The following TRAPPC10 variants were observed in gnomAD, a reference collection of about 807,000 sequenced individuals.
TRAPPC10 encodes trafficking protein particle complex subunit 10.
TRAPPC10 carries 23 observed loss-of-function variants against 125.5 expected under a neutral mutation model. The ratio of observed to expected loss-of-function variants is 0.18; its 90% CI spans 0.13 to 0.26. The LOEUF is 0.26. Among genes scored for constraint, TRAPPC10 ranks in the 10% least tolerant of loss-of-function variants. The pLI, the probability that TRAPPC10 is intolerant of heterozygous loss-of-function variation, is 1.00. For missense variants in TRAPPC10, 1,123 were observed against 1,308.4 expected (o/e 0.86, Z 2.19); for synonymous variants, 509 against 518.0 (o/e 0.98, Z 0.24).
At chr21:44,039,003 T>C (rs1474687706) in intron 3 of TRAPPC10, among the ~76,000 whole-genome samples, 1 of 152,230 alleles carries the variant, frequency 6.6e-6, no homozygotes, top group African/African-American at 2.4e-5. Context: ...AGAAGGACAC[T>C]GTCCCTGGCC....
chr21:44,052,665 C>T (rs1295156013), intron 4 of TRAPPC10, among the ~76,000 whole-genome samples, 189 bp downstream of exon 4: 3 of 152,004 alleles, frequency 2.0e-5, no homozygotes. Context: ...AAGCAGTCAT[C>T]CCCCGAGTGT....
At position 44,059,606 on chromosome 21, in the gene TRAPPC10, A is replaced by T; in HGVS notation, c.790+392A>T. 1 of 659,628 alleles carries T rather than the reference A, an allele frequency of 1.5e-6. No homozygotes were observed. Among genetic ancestry groups the T allele is most frequent in the East Asian group, 2.7e-5 (1 of 36,754 alleles). 40.9% of individuals were successfully genotyped at this position (659,628 alleles called of 1,614,324 possible). Reference sequence around the variant, plus strand: ...CTCGAGTGCTCATTGCTGTGAACTTATAAAATGCCCTTGGGTGTTCATCTT... The same window carrying T: ...CTCGAGTGCTCATTGCTGTGAACTTTTAAAATGCCCTTGGGTGTTCATCTT... On this transcript the variant is annotated intron_variant, in intron 6 of 22. Coordinates refer to ENST00000291574, the MANE Select transcript of TRAPPC10 (RefSeq NM_003274.5). This position sits in a 1 kb window ranked among gnomAD's most constrained non-coding sequence, Gnocchi z 4.4.
At chr21:44,048,847 G>A (rs1485756798) in intron 3 of TRAPPC10, among the ~76,000 whole-genome samples, 1 of 139,730 alleles carries the variant, frequency 7.2e-6, no homozygotes, top group African/African-American at 2.7e-5. Flanking sequence ...TGTAAATCTA[G>A]TCCCTGTCAC....
intron 13 of TRAPPC10, among the ~76,000 whole-genome samples, chr21:44,081,666 C>T (rs557179904): frequency 1.3e-5 from 2 of 152,224 alleles, no homozygotes; most frequent in African/African-American, 4.8e-5. Flanking sequence ...GCAGGCAGAT[C>T]ACTTGAGGTC....
intron 1 of TRAPPC10, among the ~76,000 whole-genome samples, chr21:44,031,375 G>A (rs1055650211): frequency 2.0e-5 from 3 of 152,132 alleles, no homozygotes; most frequent in African/African-American, 7.2e-5. Flanking sequence ...CATTTTATGA[G>A]AACAAAATGG....
intron 5 of TRAPPC10, 74 bp downstream of exon 5, chr21:44,055,967 T>A: frequency 7.7e-7 from 1 of 1,300,814 alleles, no homozygotes; most frequent in Non-Finnish European, 1.0e-6. Flanking sequence ...TCTCCTCCTT[T>A]CTTTCTAAGT....
chr21:44,064,916 C>T (rs987217001), intron 7 of TRAPPC10, among the ~76,000 whole-genome samples: 4 of 152,118 alleles, frequency 2.6e-5, no homozygotes, highest in Admixed American at 1.3e-4. Flanking sequence ...TTTTCCACCT[C>T]GAAATGACCC....
At chr21:44,029,198 C>A (rs1271746032) in intron 1 of TRAPPC10, among the ~76,000 whole-genome samples, 2 of 152,106 alleles carry the variant, frequency 1.3e-5, no homozygotes, top group Non-Finnish European at 2.9e-5. Flanking sequence ...GGGTTCACAC[C>A]ATTCTCCTGC....
rs1473031362 is a variant in TRAPPC10, at chr21:44,059,745, C to G, written c.790+531C>G. The stretch of plus-strand genomic sequence containing the variant: ...TTGTCCTCAGTGTTTTTCGCTGATA[C>G]TTATTTTGATGAAAGTGATACCACG... On this transcript the variant is annotated intron_variant, in intron 6 of 22. Transcript: ENST00000291574. This position sits in a 1 kb window ranked among gnomAD's most constrained non-coding sequence, Gnocchi z 4.4. The G allele has an allele frequency of 1.1e-5, 5 of 459,420 alleles. No individual in the cohort carries two copies. The highest frequency in any genetic ancestry group is 9.8e-5 in the African/African-American group (5 of 51,210). The allele number at this position is 459,420 out of a possible 1,614,324, so 28.5% of individuals were successfully genotyped here.
intron 4 of TRAPPC10, 87 bp downstream of exon 4, chr21:44,052,563 T>A: frequency 7.7e-7 from 1 of 1,293,068 alleles, no homozygotes; most frequent in Non-Finnish European, 1.1e-6. Flanking sequence ...AAATATTTAC[T>A]CAGCAATCTC....
chr21:44,053,537 A>C (rs2035368987), intron 4 of TRAPPC10, among the ~76,000 whole-genome samples: 1 of 152,178 alleles, frequency 6.6e-6, no homozygotes, highest in Non-Finnish European at 1.5e-5. Context: ...ATATTAGAAT[A>C]CTTTTCTAGC....
chr21:44,077,088 C>T (rs1326896299), intron 10 of TRAPPC10, among the ~76,000 whole-genome samples: 1 of 152,152 alleles, frequency 6.6e-6, no homozygotes, highest in Non-Finnish European at 1.5e-5. Flanking sequence ...ATGGCTGTAC[C>T]TCTTATACAC....
At chr21:44,071,786 G>A (rs1189817460) in intron 7 of TRAPPC10, among the ~76,000 whole-genome samples, 2 of 152,248 alleles carry the variant, frequency 1.3e-5, no homozygotes, top group Non-Finnish European at 2.9e-5. Flanking sequence ...GCATGGAGCC[G>A]GTGAGAACTC....
intron 3 of TRAPPC10, 51 bp downstream of exon 3, chr21:44,037,978 C>A (rs763202291): frequency 6.3e-7 from 1 of 1,580,194 alleles, no homozygotes. Flanking sequence ...GTTGGAGATG[C>A]GTGGAGAGTG....
intron 3 of TRAPPC10, among the ~76,000 whole-genome samples, chr21:44,048,482 G>T (rs1039653452): frequency 2.0e-5 from 3 of 151,916 alleles, no homozygotes; most frequent in East Asian, 1.9e-4. Flanking sequence ...TTTTGTTTTG[G>T]TTTTTGTTTG....
chr21:44,045,772 A>G (rs781723620), intron 3 of TRAPPC10, among the ~76,000 whole-genome samples: 17 of 151,480 alleles, frequency 1.1e-4, no homozygotes, highest in South Asian at 4.2e-4. Context: ...TGGCCAGGCT[A>G]GTCTCGAGCT....
chr21:44,057,141 G>A (rs1193154523), intron 5 of TRAPPC10, among the ~76,000 whole-genome samples: 6 of 152,092 alleles, frequency 3.9e-5, no homozygotes, highest in Non-Finnish European at 8.8e-5. Flanking sequence ...AGAGACAGAA[G>A]GTGGAATGGG....
chr21:44,055,645 G>T, intron 4 of TRAPPC10, 53 bp from the exon 5 acceptor site: 1 of 1,411,288 alleles, frequency 7.1e-7, no homozygotes, highest in Non-Finnish European at 9.7e-7. Context: ...CTGCTGAGTC[G>T]TGGTGCTGTG....
intron 15 of TRAPPC10, among the ~76,000 whole-genome samples, chr21:44,085,955 T>C (rs2038096538): frequency 1.3e-5 from 2 of 152,252 alleles, no homozygotes; most frequent in South Asian, 4.1e-4. Context: ...AAGGGCATTT[T>C]TCTGTTATTC....
Sources: allele counts gnomAD v4.1 joint callset (sites outside exome capture counted in the v4.1 genomes callset), GRCh38; gene constraint gnomAD v4.1.1; non-coding constraint Gnocchi (gnomAD v3.1); transcripts MANE v1.5; gene names NCBI Gene and HGNC (gene_info 2026-07-23, HGNC 2026-07-21).